The following AXL variants were observed in gnomAD, a reference collection of about 807,000 sequenced individuals.
The protein encoded by AXL is AXL receptor tyrosine kinase.
In AXL, 52 loss-of-function variants were observed where a neutral mutation model predicts 104.5. The observed-to-expected ratio is 0.50, with a 90% confidence interval of 0.40 to 0.63. The LOEUF (loss-of-function observed/expected upper bound fraction) is 0.63. Among genes scored for constraint, AXL ranks in the 20% least tolerant of loss-of-function variants. The pLI, the probability that AXL is intolerant of heterozygous loss-of-function variation, is 0.00. For synonymous variants in AXL, 455 were observed against 473.7 expected (o/e 0.96, Z 0.51); for missense variants, 1,024 against 1,188.5 (o/e 0.86, Z 2.04).
chr19:41,247,252 G>T (rs2122260440), intron 12 of AXL, among the ~76,000 whole-genome samples: 1 of 152,336 alleles, frequency 6.6e-6, no homozygotes, highest in African/African-American at 2.4e-5. Flanking sequence ...GGTGGCTCAC[G>T]CTTGTAATCC....
intron 12 of AXL, 31 bp from the exon 13 acceptor site, chr19:41,248,483 A>G (rs1309958558): frequency 1.2e-6 from 2 of 1,608,666 alleles, no homozygotes; most frequent in South Asian, 1.1e-5. Flanking sequence ...GCCCTGCTCC[A>G]TGACTCTGTC....
rs912298412 is a variant in AXL, at chr19:41,256,386, C to T, written c.2037-66C>T. Reference sequence around the variant, plus strand: ...GAGGAGGTGCAGATGTGTCTGAGAGCCAGGGCAGGCTTCCTGGTGGAGGTG... The same window carrying T: ...GAGGAGGTGCAGATGTGTCTGAGAGTCAGGGCAGGCTTCCTGGTGGAGGTG... On this transcript the variant is annotated intron_variant, in intron 17 of 19. Coordinates refer to ENST00000301178, the MANE Select transcript of AXL (RefSeq NM_021913.5). 2.4e-5 allele frequency: 37 copies of T among 1,570,944 alleles called. No individual in the cohort carries two copies. The East Asian group carries it at 7.7e-4, about 33-fold the overall frequency.
intron 3 of AXL, chr19:41,221,580 C>G: frequency 4.0e-6 from 2 of 501,666 alleles, no homozygotes; most frequent in Non-Finnish European, 7.0e-6. Context: ...ACCCCTGTCC[C>G]CACGACCCCA....
At chr19:41,242,783 T>C in intron 10 of AXL, 100 bp from the exon 11 acceptor site, 1 of 1,480,012 alleles carries the variant, frequency 6.8e-7, no homozygotes. Context: ...GTGCACATCT[T>C]TGCCGAGGCC....
In AXL at chr19:41,253,727, C is replaced by G. The variant is rs754357485; in HGVS notation, c.2036+19C>G. 1.7e-3 allele frequency: 120 copies of G among 68,582 alleles called. No homozygotes were observed. Among genetic ancestry groups the G allele is most frequent in the South Asian group, 0.012 (36 of 2,956 alleles). The allele number at this position is 68,582 out of a possible 1,614,324, so 4.2% of individuals were successfully genotyped here. On this transcript the variant is annotated intron_variant, in intron 17 of 19. Coordinates refer to ENST00000301178, the MANE Select transcript of AXL (RefSeq NM_021913.5). ...ACTGCATGTGAGTGCCTTTCAGGGA[C>G]CCCCCCCCCCCAACTGCTCCTGCAC...
chr19:41,243,859 T>C lies in AXL; in HGVS notation c.1537+152T>C, dbSNP rs141480789. ...ACCACAGACCCTAGAAATAACAGAT[T>C]TGTGGAACCACAAAGAACTTTCAAG... On this transcript the variant is annotated intron_variant, in intron 12 of 19. Transcript: ENST00000301178. The C allele has an allele frequency of 4.2e-4, 259 of 622,674 alleles. 1 individual carries two copies. The African/African-American group carries it at 4.3e-3, about 10-fold the overall frequency. 38.6% of individuals were successfully genotyped at this position (622,674 alleles called of 1,614,324 possible). A position where few individuals can be genotyped will look rare whatever the true frequency, so the allele number is the denominator to read the frequency against.
intron 6 of AXL, among the ~76,000 whole-genome samples, chr19:41,236,293 A>G (rs1216955908): frequency 6.8e-6 from 1 of 146,398 alleles, no homozygotes; most frequent in African/African-American, 2.6e-5. Context: ...AGATTGTACC[A>G]CTGCACTCCA....
intron 14 of AXL, among the ~76,000 whole-genome samples, chr19:41,249,248 A>C (rs2034321456): frequency 6.6e-6 from 1 of 151,684 alleles, no homozygotes; most frequent in Admixed American, 6.6e-5. Context: ...AGACCAGCCT[A>C]GGCAATATGG....
Position 41,243,609 on chromosome 19 carries a change from C to T in AXL, c.1446-7C>T. The T allele has an allele frequency of 6.2e-7, 1 of 1,612,772 alleles. No homozygotes were observed. The highest frequency in any genetic ancestry group is 8.5e-7 in the Non-Finnish European group (1 of 1,178,776). On this transcript the variant is annotated splice_region_variant and splice_polypyrimidine_tract_variant and intron_variant, in intron 11 of 19. Coordinates refer to ENST00000301178, the MANE Select transcript of AXL (RefSeq NM_021913.5). The stretch of plus-strand genomic sequence containing the variant: ...CCCTGCCCTCACCTACTCCCCCTCC[C>T]CCCCAGAGAAGTGTTTGAACCAACA...
At position 41,219,485 on chromosome 19, in the gene AXL, A is replaced by G; in HGVS notation, c.85+8A>G. On this transcript the variant is annotated splice_region_variant and intron_variant, in intron 1 of 19. Transcript: ENST00000301178. ...CGTGCATGGCCCCCAGGGGTGAGTG[A>G]TGGGGGCTCCTTGGGGCAGGGATCC... 1 of 1,448,274 alleles carries G rather than the reference A, an allele frequency of 6.9e-7. No homozygotes were observed. Among genetic ancestry groups the G allele is most frequent in the Middle Eastern group, 2.0e-4 (1 of 4,918 alleles). 89.7% of individuals were successfully genotyped at this position (1,448,274 alleles called of 1,614,324 possible). A position where few individuals can be genotyped will look rare whatever the true frequency, so the allele number is the denominator to read the frequency against.
intron 19 of AXL, among the ~76,000 whole-genome samples, chr19:41,258,204 G>A (rs2034484093): frequency 6.6e-6 from 1 of 152,214 alleles, no homozygotes; most frequent in Non-Finnish European, 1.5e-5. Context: ...GGAGGAGACA[G>A]CCTGGGGCGT....
chr19:41,257,525 C>T lies in AXL; in HGVS notation c.2229C>T (p.Ala743=). The T allele has an allele frequency of 1.2e-6, 2 of 1,614,110 alleles. No individual in the cohort carries two copies. The highest frequency in any genetic ancestry group is 1.7e-6 in the Non-Finnish European group (2 of 1,180,026). ...TCGGGGTGACAATGTGGGAGATTGC[C>T]ACAAGAGGCCAAACCCCATATCCGG... ...WSFGVTMWEI[A]TRGQTPYPGV... Residue 743 remains alanine, a synonymous_variant, in exon 19 of 20, where the codon GCC becomes GCT. Coordinates refer to ENST00000301178, the MANE Select transcript of AXL (RefSeq NM_021913.5).
rs1296137215 is a variant in AXL, at chr19:41,260,804, A to T, written c.*900A>T. On this transcript the variant is annotated 3_prime_UTR_variant, in exon 20 of 20. Coordinates refer to ENST00000301178, the MANE Select transcript of AXL (RefSeq NM_021913.5). ...TAAAATGTAAGATTATAGATTCTAA[A>T]GATTCTATAGTTCTAGACATGGAGG... 1 of 152,164 alleles carries T rather than the reference A, an allele frequency of 6.6e-6. No individual in the cohort carries two copies. The highest frequency in any genetic ancestry group is 1.9e-4 in the East Asian group (1 of 5,190). 9.4% of individuals were successfully genotyped at this position (152,164 alleles called of 1,614,324 possible).
chr19:41,221,572 C>A, intron 3 of AXL: 1 of 502,600 alleles, frequency 2.0e-6, no homozygotes, highest in Non-Finnish European at 3.5e-6. Context: ...CGCAACGTAC[C>A]CCTGTCCCCA....
intron 10 of AXL, among the ~76,000 whole-genome samples, chr19:41,241,432 T>G (rs2034178250): frequency 1.3e-5 from 2 of 151,204 alleles, no homozygotes; most frequent in South Asian, 4.2e-4. Flanking sequence ...TAATCCCAGC[T>G]GCTCGGGAGG....
chr19:41,260,009 C>G lies in AXL; in HGVS notation c.*105C>G, dbSNP rs375138656. ...CCACCCCACGCCTTATCCCCACTTGCAGCCCTGTCTTCCTACCTATCCCAC... is the reference window on the plus strand; with the variant it reads ...CCACCCCACGCCTTATCCCCACTTGGAGCCCTGTCTTCCTACCTATCCCAC... On this transcript the variant is annotated 3_prime_UTR_variant, in exon 20 of 20. Coordinates refer to ENST00000301178, the MANE Select transcript of AXL (RefSeq NM_021913.5). 1.4e-5 allele frequency: 15 copies of G among 1,075,414 alleles called. No individual in the cohort carries two copies. The African/African-American group carries it at 2.1e-4, about 15-fold the overall frequency. The allele number at this position is 1,075,414 out of a possible 1,614,324, so 66.6% of individuals were successfully genotyped here.
chr19:41,249,683 C>T (rs2034329875), intron 14 of AXL, among the ~76,000 whole-genome samples: 1 of 151,662 alleles, frequency 6.6e-6, no homozygotes, highest in South Asian at 2.1e-4. Flanking sequence ...TTGAACCTCA[C>T]AGGCGGAGAT....
chr19:41,254,717 A>G (rs1253438836), intron 17 of AXL, among the ~76,000 whole-genome samples: 1 of 151,328 alleles, frequency 6.6e-6, no homozygotes, highest in Non-Finnish European at 1.5e-5. Flanking sequence ...CCAGGAGTTC[A>G]AGACCAGCCT....
At chr19:41,252,256 G>T in intron 14 of AXL, 95 bp from the exon 15 acceptor site, 1 of 1,021,892 alleles carries the variant, frequency 9.8e-7, no homozygotes, top group Admixed American at 1.9e-5. Flanking sequence ...ATGAAGATGA[G>T]TGATGATGAT....
Sources: gnomAD v4.1 joint callset for allele counts (sites outside exome capture counted in the v4.1 genomes callset) on GRCh38, gnomAD v4.1.1 for gene constraint, MANE v1.5 for transcripts, NCBI Gene and HGNC (gene_info 2026-07-23, HGNC 2026-07-21) for gene names.